COL12A1: variants seen among roughly 807,000 people sequenced by gnomAD.
The protein encoded by COL12A1 is collagen alpha-1(XII) chain.
In COL12A1, 114 loss-of-function variants were observed where a neutral mutation model predicts 349.7. The observed-to-expected ratio is 0.33, with a 90% CI of 0.28 to 0.38. The LOEUF (loss-of-function observed/expected upper bound fraction) is 0.38. Among genes scored for constraint, COL12A1 ranks in the 10% least tolerant of loss-of-function variants. COL12A1 has a pLI of 1.00. For synonymous variants in COL12A1, 1,369 were observed against 1,329.0 expected (o/e 1.03, Z -0.66); for missense variants, 3,284 against 3,756.9 (o/e 0.87, Z 3.29).
At chr6:75,140,316 G>GA (rs1392137673) in intron 27 of COL12A1, among the ~76,000 whole-genome samples, 1 of 152,148 alleles carries the variant, frequency 6.6e-6, no homozygotes, top group Non-Finnish European at 1.5e-5. Context: ...CACATGGTAA[G>GA]AAAATAGCAG....
rs73462072 is a variant in COL12A1 at position 75,114,716 on chromosome 6, C to T, written c.7698-972G>A. On this transcript the variant is annotated intron_variant, in intron 49 of 65. Coordinates refer to ENST00000322507, the MANE Select transcript of COL12A1 (RefSeq NM_004370.6). ...GTAAGCTGACATGATGTCTTTTATACGTTCAAGAACTATCTTTATAATATT... is the reference window on the plus strand; with the variant it reads ...GTAAGCTGACATGATGTCTTTTATATGTTCAAGAACTATCTTTATAATATT... Among the ~76,000 whole-genome samples the T allele has an allele frequency of 1.2e-3, 175 of 152,106 alleles. 1 individual carries two copies. The highest frequency in any genetic ancestry group is 3.9e-3 in the African/African-American group (161 of 41,536).
Position 75,142,137 on chromosome 6 carries a change from T to C in COL12A1, c.4852A>G (p.Ser1618Gly). The change falls in exon 27 of 66, where the codon AGC (serine) becomes GGC (glycine). Residue 1618 changes from serine to glycine, a missense_variant. Physicochemically the swap from Ser to Gly is moderately conservative, Grantham distance 56. Around this residue, in one of 2 missense-constraint regions of COL12A1, gnomAD observed 2,601 missense variants for 2,824.8 expected, o/e 0.92. Transcript: ENST00000322507. ...GAGAAGAGGTCTTTGAGGGAAGTGC[T>C]GGTCTCTGATCTGTCCACCTCTACC... ...KEVEVDRSETSTSLKDLFSQT... is the reference protein window; with the variant it reads ...KEVEVDRSETGTSLKDLFSQT... 1 of 1,614,170 alleles carries C rather than the reference T, an allele frequency of 6.2e-7. No individual in the cohort carries two copies. Among genetic ancestry groups the C allele is most frequent in the Non-Finnish European group, 8.5e-7 (1 of 1,180,002 alleles).
intron 11 of COL12A1, 129 bp from the exon 12 acceptor site, chr6:75,178,064 C>T: frequency 1.2e-6 from 1 of 844,020 alleles, no homozygotes; most frequent in East Asian, 2.7e-5. Context: ...AATTTATTTG[C>T]AAACATCCTG....
At chr6:75,162,904 T>A in intron 14 of COL12A1, among the ~76,000 whole-genome samples, 1 of 151,946 alleles carries the variant, frequency 6.6e-6, no homozygotes. Context: ...AACAGACATA[T>A]GAAAAAAAGA....
chr6:75,107,229 T>C (rs538803845), intron 52 of COL12A1, among the ~76,000 whole-genome samples: 1 of 152,182 alleles, frequency 6.6e-6, no homozygotes, highest in African/African-American at 2.4e-5. Context: ...TTTCTATAAT[T>C]AAATGAATTT....
At chr6:75,164,088 A>G (rs996548593) in intron 14 of COL12A1, among the ~76,000 whole-genome samples, 1 of 152,154 alleles carries the variant, frequency 6.6e-6, no homozygotes, top group African/African-American at 2.4e-5. Flanking sequence ...ATGTTCTTAA[A>G]CTACATCAGC....
chr6:75,135,723 C>A (rs1298185626), intron 31 of COL12A1, among the ~76,000 whole-genome samples: 2 of 152,094 alleles, frequency 1.3e-5, no homozygotes, highest in Non-Finnish European at 2.9e-5. Flanking sequence ...AGAGAAAAAC[C>A]CAGTGAATCA....
At chr6:75,136,505 A>G (rs1199794552) in intron 31 of COL12A1, among the ~76,000 whole-genome samples, 1 of 152,114 alleles carries the variant, frequency 6.6e-6, no homozygotes, top group East Asian at 1.9e-4. Flanking sequence ...GCCAACCCCT[A>G]CCTTGGCTAA....
chr6:75,133,750 G>T, intron 33 of COL12A1, 108 bp downstream of exon 33: 1 of 1,263,758 alleles, frequency 7.9e-7, no homozygotes, highest in Non-Finnish European at 1.1e-6. Context: ...AAATGAATAT[G>T]AAATTCTTCA....
intron 11 of COL12A1, among the ~76,000 whole-genome samples, chr6:75,180,285 A>C (rs980359304): frequency 6.6e-6 from 1 of 152,214 alleles, no homozygotes; most frequent in Admixed American, 6.6e-5. Context: ...ATTCCTCTCA[A>C]GTGAGGTAGT....
intron 4 of COL12A1, 57 bp from the exon 5 acceptor site, chr6:75,191,817 A>T: frequency 9.1e-7 from 1 of 1,104,486 alleles, no homozygotes; most frequent in Non-Finnish European, 1.3e-6. Context: ...TATTCTCTTT[A>T]AAATAGAATA....
chr6:75,112,244 GA>G (rs1001556499), intron 51 of COL12A1, among the ~76,000 whole-genome samples: 1 of 151,656 alleles, frequency 6.6e-6, no homozygotes, highest in African/African-American at 2.4e-5. Context: ...GAGAGGATCA[GA>G]AAAAATAACT....
rs750144053 is a variant in COL12A1, at chr6:75,131,993, G to T, written c.5884C>A (p.Leu1962Met). 6.2e-7 allele frequency: 1 copy of T among 1,614,130 alleles called. No homozygotes were observed. Among genetic ancestry groups the T allele is most frequent in the Non-Finnish European group, 8.5e-7 (1 of 1,179,984 alleles). The change falls in exon 35 of 66, where the codon CTG becomes ATG. Residue 1962 changes from leucine to methionine, a missense_variant. Transcript: ENST00000322507. ...VRWDPAPGPV[L>M]QYRVVYSPVD... ...GGAGAATACACAACGCGATATTGCA[G>T]CACAGGTCCTGGAGCAGGGTCCCAG...
At chr6:75,168,114 A>G (rs1053842173) in intron 13 of COL12A1, among the ~76,000 whole-genome samples, 1 of 152,220 alleles carries the variant, frequency 6.6e-6, no homozygotes, top group African/African-American at 2.4e-5. Context: ...AGATAGTTCA[A>G]TCGAGACACC....
Position 75,106,421 on chromosome 6 carries a change from T to C in COL12A1, c.8176A>G (p.Arg2726Gly). 6.2e-7 allele frequency: 1 copy of C among 1,613,132 alleles called. No individual in the cohort carries two copies. Among genetic ancestry groups the C allele is most frequent in the Non-Finnish European group, 8.5e-7 (1 of 1,179,204 alleles). ...SRDRCCDIPS[R>G]RDEGKCPAFP... ...GAATTCAATTCTGTTTTACTTACCC[T>C]AGAGGGAATATCACAGCATCTGTCT... The change falls in exon 53 of 66, where the codon AGG (arginine) becomes GGG (glycine). Residue 2726 changes from arginine (R) to glycine (G), a missense_variant and splice_region_variant. Physicochemically the swap from Arg to Gly is moderately radical, Grantham distance 125. Coordinates refer to ENST00000322507, the MANE Select transcript of COL12A1 (RefSeq NM_004370.6).
intron 31 of COL12A1, 123 bp from the exon 32 acceptor site, chr6:75,134,978 C>T: frequency 9.9e-7 from 1 of 1,010,100 alleles, no homozygotes; most frequent in Non-Finnish European, 1.4e-6. Context: ...AATTACATAC[C>T]ACAGTCAAGG....
chr6:75,088,487 G>A (rs1767608332), intron 64 of COL12A1, among the ~76,000 whole-genome samples: 3 of 150,176 alleles, frequency 2.0e-5, no homozygotes, highest in South Asian at 2.1e-4. Flanking sequence ...AAGGGAGGAA[G>A]GAAGGAAGGA....
Position 75,189,788 on chromosome 6 carries a change from A to G in COL12A1, c.422T>C (p.Leu141Ser). 6.2e-7 allele frequency: 1 copy of G among 1,613,126 alleles called. No individual in the cohort carries two copies. Among genetic ancestry groups the G allele is most frequent in the African/African-American group, 1.3e-5 (1 of 74,996 alleles). Reference sequence around the variant, plus strand: ...CCAAGAGCCATCCACGAGGAAAACCAAATCAGTCCAGGCACTGACAGAGCA... The same window carrying G: ...CCAAGAGCCATCCACGAGGAAAACCGAATCAGTCCAGGCACTGACAGAGCA... ...QKCSVSAWTDLVFLVDGSWSV... is the reference protein window; with the variant it reads ...QKCSVSAWTDSVFLVDGSWSV... The change falls in exon 6 of 66, where the codon TTG (leucine) becomes TCG (serine). Residue 141 changes from leucine to serine, a missense_variant. Leu to Ser is a moderately radical substitution (Grantham distance 145). Around this residue, in one of 2 missense-constraint regions of COL12A1, gnomAD observed 2,601 missense variants for 2,824.8 expected, o/e 0.92. Coordinates refer to ENST00000322507, the MANE Select transcript of COL12A1 (RefSeq NM_004370.6).
At chr6:75,137,608 A>G (rs1424187963) in intron 30 of COL12A1, 29 bp from the exon 31 acceptor site, 1 of 1,612,810 alleles carries the variant, frequency 6.2e-7, no homozygotes, top group Non-Finnish European at 8.5e-7. Flanking sequence ...AAAACTGAGT[A>G]AGCAGACAGA....
Sources: gnomAD v4.1 joint callset for allele counts (sites outside exome capture counted in the v4.1 genomes callset) on GRCh38, gnomAD v4.1.1 for gene constraint, gnomAD v4.1.1 regional missense constraint, MANE v1.5 for transcripts, NCBI Gene and HGNC (gene_info 2026-07-23, HGNC 2026-07-21) for gene names.